The following SND1 variants were observed in gnomAD, a reference collection of about 807,000 sequenced individuals.
The protein encoded by SND1 is staphylococcal nuclease domain-containing protein 1.
Under a neutral mutation model 121.7 loss-of-function variants are expected in SND1, and 38 were observed. The observed-to-expected ratio is 0.31, with a 90% confidence interval of 0.24 to 0.41. The LOEUF is 0.41. Ranked by LOEUF, SND1 falls within the 10% of genes least tolerant of loss-of-function variation. The pLI is 1.00. For missense variants in SND1, 868 were observed against 1,184.6 expected (o/e 0.73, Z 3.92); for synonymous variants, 401 against 447.4 (o/e 0.90, Z 1.31).
intron 11 of SND1, among the ~76,000 whole-genome samples, chr7:127,839,341 G>A (rs558728667): frequency 6.6e-6 from 1 of 152,284 alleles, no homozygotes; most frequent in South Asian, 2.1e-4. Flanking sequence ...GTGGGATTAT[G>A]TGGCGATTAT....
chr7:127,669,326 T>C (rs1303290292), intron 1 of SND1, among the ~76,000 whole-genome samples: 14 of 152,146 alleles, frequency 9.2e-5, no homozygotes, highest in Admixed American at 9.2e-4. Flanking sequence ...AAATTTCCCT[T>C]GTTACCCACT....
chr7:128,006,246 G>GCGTT (rs1000426648), intron 16 of SND1, among the ~76,000 whole-genome samples: 1 of 151,830 alleles, frequency 6.6e-6, no homozygotes, highest in African/African-American at 2.4e-5. Flanking sequence ...GTGCGTGCGT[G>GCGTT]TGTGTGTGTG....
rs765751341 is a variant in SND1 at position 127,703,346 on chromosome 7, G to C, written c.840+23G>C. The C allele has an allele frequency of 4.2e-5, 68 of 1,611,956 alleles. No individual in the cohort carries two copies. In the Admixed American group the frequency reaches 1.1e-3, roughly 26 times the overall value. On this transcript the variant is annotated intron_variant, in intron 7 of 23. Coordinates refer to ENST00000354725, the MANE Select transcript of SND1 (RefSeq NM_014390.4). ...CCAGTGAGTGTGTCTGTGCAGACTG[G>C]GTGGTGATGGGCTAGGGATGCATTT... is the stretch of plus-strand genomic sequence containing the variant.
At chr7:127,673,350 C>T (rs1009998064) in intron 1 of SND1, among the ~76,000 whole-genome samples, 14 of 151,972 alleles carry the variant, frequency 9.2e-5, no homozygotes, top group Admixed American at 5.2e-4. Context: ...CTCGCTCTGT[C>T]GCCCAGGCTG....
At chr7:127,761,191 AACTTCTCTG>A (rs904167625) in intron 10 of SND1, among the ~76,000 whole-genome samples, 102 of 152,310 alleles carry the variant, frequency 6.7e-4, no homozygotes, top group African/African-American at 2.4e-3. Flanking sequence ...ATTACAATTA[AACTTCTCTG>A]ACTTCAGCTA....
chr7:127,755,448 T>A (rs1797178240), intron 10 of SND1, among the ~76,000 whole-genome samples: 1 of 152,240 alleles, frequency 6.6e-6, no homozygotes, highest in South Asian at 2.1e-4. Flanking sequence ...TAAAACCCGG[T>A]GTAAAATCAG....
At chr7:127,987,270 T>C (rs1382805933) in intron 15 of SND1, among the ~76,000 whole-genome samples, 2 of 152,226 alleles carry the variant, frequency 1.3e-5, no homozygotes, top group Non-Finnish European at 1.5e-5. Flanking sequence ...AGAACCCAAC[T>C]TTCTTTCCCT....
chr7:127,712,401 C>T (rs982106978), intron 9 of SND1, among the ~76,000 whole-genome samples: 1 of 152,186 alleles, frequency 6.6e-6, no homozygotes, highest in Non-Finnish European at 1.5e-5. Context: ...TCAAGTGATC[C>T]TCCCACCTTG....
intron 15 of SND1, among the ~76,000 whole-genome samples, chr7:127,954,971 A>G (rs1801559172): frequency 6.6e-6 from 1 of 152,222 alleles, no homozygotes; most frequent in Non-Finnish European, 1.5e-5. Flanking sequence ...TAGAATGAGT[A>G]TCCCTAGTAT....
At chr7:127,929,680 A>C (rs183867008) in intron 15 of SND1, among the ~76,000 whole-genome samples, 5 of 152,192 alleles carry the variant, frequency 3.3e-5, no homozygotes, top group Admixed American at 1.3e-4. Flanking sequence ...CAGACTGCCC[A>C]TGCTATGTTA....
chr7:127,663,248 G>A (rs1795350835), intron 1 of SND1, among the ~76,000 whole-genome samples: 2 of 152,080 alleles, frequency 1.3e-5, no homozygotes, highest in African/African-American at 4.8e-5. Context: ...TAAATGCTAT[G>A]TAGATAGTTG....
chr7:127,903,952 C>G (rs1800283734), intron 13 of SND1, among the ~76,000 whole-genome samples: 2 of 152,346 alleles, frequency 1.3e-5, no homozygotes, highest in Admixed American at 6.5e-5. Context: ...CTGCTGATGT[C>G]TGCAGGCTGG....
intron 10 of SND1, among the ~76,000 whole-genome samples, chr7:127,733,976 GT>G (rs967928048): frequency 7.2e-5 from 11 of 152,028 alleles, no homozygotes; most frequent in Admixed American, 6.6e-4. Context: ...TGATCGGAAT[GT>G]TCATTTTTCA....
At chr7:127,922,198 T>TTTTTTTTTTTTG (rs1800731864) in intron 14 of SND1, among the ~76,000 whole-genome samples, 1 of 126,872 alleles carries the variant, frequency 7.9e-6, no homozygotes, top group African/African-American at 3.0e-5. Flanking sequence ...TTTTTTTTTT[T>TTTTTTTTTTTTG]TTTTTGTTTT....
intron 11 of SND1, among the ~76,000 whole-genome samples, chr7:127,816,873 G>A (rs1798452822): frequency 6.6e-6 from 1 of 152,000 alleles, no homozygotes; most frequent in South Asian, 2.1e-4. Flanking sequence ...ATGTTGGCTA[G>A]GGGTCTCGAA....
chr7:127,684,734 C>T (rs1795783560), intron 1 of SND1, among the ~76,000 whole-genome samples: 2 of 152,086 alleles, frequency 1.3e-5, no homozygotes, highest in African/African-American at 4.8e-5. Flanking sequence ...AGGATAAAAA[C>T]GAAAAGCGTG....
chr7:127,813,421 G>A (rs552646488), intron 11 of SND1, among the ~76,000 whole-genome samples: 4 of 115,926 alleles, frequency 3.5e-5, no homozygotes, highest in East Asian at 5.2e-4. Context: ...TGGTCTTTTC[G>A]ATAATGAGTT....
At chr7:127,676,162 C>G (rs1795613130) in intron 1 of SND1, among the ~76,000 whole-genome samples, 1 of 152,142 alleles carries the variant, frequency 6.6e-6, no homozygotes, top group South Asian at 2.1e-4. Context: ...TGTTCTAGCC[C>G]TCATGCCATC....
At chr7:127,681,907 A>G (rs1373217845) in intron 1 of SND1, among the ~76,000 whole-genome samples, 3 of 152,222 alleles carry the variant, frequency 2.0e-5, no homozygotes, top group Non-Finnish European at 4.4e-5. Context: ...CAGTATACCT[A>G]CTATACTATC....
Sources: gnomAD v4.1 joint callset for allele counts (sites outside exome capture counted in the v4.1 genomes callset) on GRCh38, gnomAD v4.1.1 for gene constraint, MANE v1.5 for transcripts, NCBI Gene and HGNC (gene_info 2026-07-23, HGNC 2026-07-21) for gene names.